UNC13C: variants seen among roughly 807,000 people sequenced by gnomAD.
UNC13C encodes protein unc-13 homolog C.
A neutral mutation model predicts 245.4 loss-of-function variants in UNC13C; 174 were observed. The ratio of observed to expected loss-of-function variants is 0.71; its 90% CI spans 0.63 to 0.80. The LOEUF (loss-of-function observed/expected upper bound fraction) is 0.80. Ranked by LOEUF, UNC13C falls within the 30% of genes least tolerant of loss-of-function variation. The pLI is 0.00. For synonymous variants in UNC13C, 992 were observed against 895.1 expected (o/e 1.11, Z -1.93); for missense variants, 2,829 against 2,602.9 (o/e 1.09, Z -1.89).
chr15:54,022,431 C>T (rs1895940983), intron 2 of UNC13C, among the ~76,000 whole-genome samples: 2 of 152,106 alleles, frequency 1.3e-5, no homozygotes, highest in African/African-American at 4.8e-5. Context: ...CCTCAGCTTC[C>T]AGAGTAGCTG....
intron 4 of UNC13C, among the ~76,000 whole-genome samples, chr15:54,180,742 A>G (rs1266956031): frequency 6.7e-6 from 1 of 149,868 alleles, no homozygotes; most frequent in Admixed American, 6.6e-5. Context: ...TTCTTTGACG[A>G]TTAGTGATGA....
chr15:54,580,948 A>G (rs1248978873), intron 30 of UNC13C, among the ~76,000 whole-genome samples: 1 of 152,172 alleles, frequency 6.6e-6, no homozygotes, highest in African/African-American at 2.4e-5. Flanking sequence ...AAATAATCAT[A>G]TATTTATTGA....
chr15:54,031,198 G>T (rs1418358087), intron 2 of UNC13C, among the ~76,000 whole-genome samples: 3 of 152,080 alleles, frequency 2.0e-5, no homozygotes, highest in African/African-American at 7.2e-5. Context: ...ATTATCAAAT[G>T]GAAGCACTCC....
intron 4 of UNC13C, among the ~76,000 whole-genome samples, chr15:54,181,788 A>G (rs1771689740): frequency 6.6e-6 from 1 of 151,570 alleles, no homozygotes; most frequent in African/African-American, 2.4e-5. Flanking sequence ...AAATTTTTTT[A>G]TGGCTATTTT....
intron 1 of UNC13C, among the ~76,000 whole-genome samples, chr15:54,000,872 T>C (rs377159200): frequency 1.2e-4 from 18 of 152,200 alleles, no homozygotes; most frequent in African/African-American, 4.1e-4. Flanking sequence ...TAGTTTCTTG[T>C]TATACGTATA....
chr15:54,358,029 T>C lies in UNC13C; in HGVS notation c.4713+19540T>C, dbSNP rs1298109143. Among the ~76,000 whole-genome samples, 3 of 152,266 alleles carry C rather than the reference T, an allele frequency of 2.0e-5. No homozygotes were observed. In the East Asian group the frequency reaches 5.8e-4, roughly 29 times the overall value. The stretch of plus-strand genomic sequence containing the variant: ...AAAAAATATCTAGGAGTTTCTGCAT[T>C]TACTCAGTATGCAATCGAGCTTTCC... On this transcript the variant is annotated intron_variant, in intron 17 of 32. Coordinates refer to ENST00000260323, the MANE Select transcript of UNC13C (RefSeq NM_001080534.3).
chr15:54,020,809 A>G (rs1293111214), intron 2 of UNC13C, among the ~76,000 whole-genome samples: 1 of 152,158 alleles, frequency 6.6e-6, no homozygotes, highest in African/African-American at 2.4e-5. Context: ...TTGCCTACAA[A>G]TAAATTCCTA....
the UNC13C span, among the ~76,000 whole-genome samples, chr15:53,873,214 T>C: frequency 6.6e-6 from 1 of 152,100 alleles, no homozygotes; most frequent in East Asian, 1.9e-4. Context: ...TCACATTCAA[T>C]GCCTTCTGAG....
chr15:54,592,242 T>G (rs1596632552), intron 30 of UNC13C, among the ~76,000 whole-genome samples: 1 of 152,200 alleles, frequency 6.6e-6, no homozygotes, highest in African/African-American at 2.4e-5. Context: ...GAAAGTTCCA[T>G]GCACTGCTGA....
the UNC13C span, among the ~76,000 whole-genome samples, chr15:53,838,217 C>A: frequency 6.6e-6 from 1 of 151,908 alleles, no homozygotes; most frequent in South Asian, 2.1e-4. Flanking sequence ...ATGTGTTTAT[C>A]CATCATTTAT....
At chr15:53,902,893 G>A in the UNC13C span, among the ~76,000 whole-genome samples, 2 of 152,194 alleles carry the variant, frequency 1.3e-5, no homozygotes, top group Admixed American at 6.5e-5. Context: ...AAAAGAATGG[G>A]TGATAGACCA....
intron 8 of UNC13C, among the ~76,000 whole-genome samples, chr15:54,263,445 C>G (rs2036476897): frequency 6.6e-6 from 1 of 152,096 alleles, no homozygotes; most frequent in Non-Finnish European, 1.5e-5. Context: ...TTTTAGAAAT[C>G]TCTCACTGAC....
the UNC13C span, among the ~76,000 whole-genome samples, chr15:53,871,279 T>A: frequency 6.6e-6 from 1 of 152,138 alleles, no homozygotes; most frequent in Admixed American, 6.6e-5. Context: ...ACTTATGCCA[T>A]TTTTAGCCAT....
chr15:54,604,606 G>T (rs528534384), intron 30 of UNC13C, among the ~76,000 whole-genome samples: 4 of 152,308 alleles, frequency 2.6e-5, no homozygotes, highest in African/African-American at 9.6e-5. Context: ...GGCCACCTCT[G>T]TGAGGCCAGA....
chr15:54,253,755 G>A (rs934387802), intron 8 of UNC13C, among the ~76,000 whole-genome samples: 1 of 152,156 alleles, frequency 6.6e-6, no homozygotes, highest in Admixed American at 6.5e-5. Flanking sequence ...TGGGATGAGG[G>A]TTGTGTGCAG....
At chr15:54,313,448 C>G (rs1238536219) in intron 13 of UNC13C, among the ~76,000 whole-genome samples, 2 of 151,772 alleles carry the variant, frequency 1.3e-5, no homozygotes, top group African/African-American at 4.8e-5. Flanking sequence ...GGATATATAT[C>G]TTAAATTTTG....
At chr15:54,580,643 AC>A (rs943513619) in intron 30 of UNC13C, among the ~76,000 whole-genome samples, 6 of 152,208 alleles carry the variant, frequency 3.9e-5, no homozygotes, top group African/African-American at 1.2e-4. Flanking sequence ...AAGTGATAAT[AC>A]CCATGAAACA....
intron 2 of UNC13C, among the ~76,000 whole-genome samples, chr15:54,118,116 A>T (rs536645627): frequency 6.6e-6 from 1 of 152,198 alleles, no homozygotes; most frequent in East Asian, 1.9e-4. Context: ...TCAGAAAAAA[A>T]AAAGATTGCT....
chr15:53,991,480 A>T (rs2725596), intron 1 of UNC13C, among the ~76,000 whole-genome samples: 5 of 151,816 alleles, frequency 3.3e-5, no homozygotes, highest in African/African-American at 9.7e-5. Flanking sequence ...CTGTTGTATC[A>T]GGTGCTCAAC....
Sources: allele counts gnomAD v4.1 joint callset (sites outside exome capture counted in the v4.1 genomes callset), GRCh38; gene constraint gnomAD v4.1.1; transcripts MANE v1.5; gene names NCBI Gene and HGNC (gene_info 2026-07-23, HGNC 2026-07-21).